The following BPTF variants were observed in gnomAD, a reference collection of about 807,000 sequenced individuals.
BPTF encodes the protein nucleosome-remodeling factor subunit BPTF.
Under a neutral mutation model 292.5 loss-of-function variants are expected in BPTF, and 18 were observed. That is an observed-to-expected ratio of 0.06 (90% CI 0.04 to 0.09). The LOEUF is 0.09. BPTF is among the 10% of genes least tolerant of loss of function. The pLI is 1.00. For synonymous variants in BPTF, 1,225 were observed against 1,251.9 expected (o/e 0.98, Z 0.45); for missense variants, 2,726 against 3,498.7 (o/e 0.78, Z 5.57).
At position 67,922,919 on chromosome 17, in the gene BPTF, C is replaced by T; in HGVS notation, c.5637C>T (p.Gly1879=). 1 of 1,614,056 alleles carries T rather than the reference C, an allele frequency of 6.2e-7. No individual in the cohort carries two copies. Among genetic ancestry groups the T allele is most frequent in the Non-Finnish European group, 8.5e-7 (1 of 1,180,020 alleles). ...PKRPETPKQT[G]PVIIETWVAE... Reference sequence around the variant, plus strand: ...GACCAGAAACGCCCAAGCAAACTGGCCCTGTTATTATTGAAACCTGGGTAG... The same window carrying T: ...GACCAGAAACGCCCAAGCAAACTGGTCCTGTTATTATTGAAACCTGGGTAG... Residue 1879 remains glycine, a synonymous_variant, in exon 14 of 28, where the codon GGC becomes GGT. Transcript: ENST00000306378.
At position 67,966,564 on chromosome 17, in the gene BPTF, C is replaced by T. The variant is rs2148441475; in HGVS notation, c.8455-8C>T. The stretch of plus-strand genomic sequence containing the variant: ...ACTGACAATAATGATGCTGCTTTTT[C>T]ATTATAGGCCCATAAGATGGCCTGG... On this transcript the variant is annotated splice_polypyrimidine_tract_variant and splice_region_variant and intron_variant, in intron 25 of 27. Coordinates refer to ENST00000306378, the MANE Select transcript of BPTF (RefSeq NM_182641.4). 6.2e-7 allele frequency: 1 copy of T among 1,609,590 alleles called. No individual in the cohort carries two copies. The highest frequency in any genetic ancestry group is 1.7e-4 in the Middle Eastern group (1 of 6,046).
At chr17:67,926,899 C>T (rs1378225722) in intron 15 of BPTF, among the ~76,000 whole-genome samples, 3 of 152,008 alleles carry the variant, frequency 2.0e-5, no homozygotes, top group African/African-American at 7.2e-5. Context: ...CCACACCCAC[C>T]TTTGCCTCCC....
At chr17:67,967,580 G>A (rs1007653480) in intron 26 of BPTF, among the ~76,000 whole-genome samples, 19 of 152,002 alleles carry the variant, frequency 1.2e-4, no homozygotes, top group Non-Finnish European at 2.4e-4. Context: ...CAGCACTTCC[G>A]GAGGCCAAGG....
At chr17:67,890,884 A>T (rs143998649) in intron 4 of BPTF, among the ~76,000 whole-genome samples, 289 of 152,248 alleles carry the variant, frequency 1.9e-3, no homozygotes, top group African/African-American at 6.4e-3. Flanking sequence ...TCATTTTTTT[A>T]AAGCTTTAAA....
intron 7 of BPTF, among the ~76,000 whole-genome samples, chr17:67,899,012 C>T (rs939038590): frequency 3.3e-5 from 5 of 151,272 alleles, no homozygotes; most frequent in Admixed American, 2.6e-4. Context: ...AAGATATAGA[C>T]ACAATTATTA....
At chr17:67,879,580 T>C (rs1299474392) in intron 4 of BPTF, among the ~76,000 whole-genome samples, 1 of 152,212 alleles carries the variant, frequency 6.6e-6, no homozygotes, top group African/African-American at 2.4e-5. Context: ...TAAAGGAGTA[T>C]CTAAGGCTGG....
rs1425138670 is a variant in BPTF at position 67,909,583 on chromosome 17, C to G, written c.2814C>G (p.Thr938=). 6.6e-7 allele frequency: 1 copy of G among 1,520,712 alleles called. No homozygotes were observed. The highest frequency in any genetic ancestry group is 2.3e-5 in the East Asian group (1 of 43,042). The allele number at this position is 1,520,712 out of a possible 1,614,324, so 94.2% of individuals were successfully genotyped here. ...NVNYRKSLEG[T]KNNMDENMDE... is the part of the protein sequence containing the mutation. ...TTATCGTTACATGGTTCTTTTTAGC[C>G]AAAAATAATATGGATGAAAATATGG... is the stretch of plus-strand genomic sequence containing the variant. The change falls in exon 10 of 28, where the codon ACC becomes ACG. Residue 938 remains threonine, a splice_region_variant and synonymous_variant. Transcript: ENST00000306378.
At chr17:67,964,813 C>T (rs564551051) in intron 25 of BPTF, among the ~76,000 whole-genome samples, 2 of 149,428 alleles carry the variant, frequency 1.3e-5, no homozygotes, top group East Asian at 2.0e-4. Context: ...TCCTGGCTAA[C>T]ACGGTGAAAC....
At chr17:67,945,319 C>G in intron 20 of BPTF, 90 bp from the exon 21 acceptor site, 1 of 1,529,210 alleles carries the variant, frequency 6.5e-7, no homozygotes, top group South Asian at 1.3e-5. Context: ...GGCCAGAATT[C>G]TCAACTTCAG....
At chr17:67,885,474 C>A (rs1247872082) in intron 4 of BPTF, among the ~76,000 whole-genome samples, 1 of 152,136 alleles carries the variant, frequency 6.6e-6, no homozygotes, top group Non-Finnish European at 1.5e-5. Flanking sequence ...ACTGTAGTCC[C>A]AGCTACTCAG....
intron 26 of BPTF, among the ~76,000 whole-genome samples, 154 bp downstream of exon 26, chr17:67,966,810 G>T (rs1191822285): frequency 2.0e-5 from 3 of 152,220 alleles, no homozygotes; most frequent in South Asian, 4.1e-4. Flanking sequence ...ATCTATTAAA[G>T]TTTAATTGTG....
At chr17:67,968,864 C>T (rs1555689128) in intron 26 of BPTF, among the ~76,000 whole-genome samples, 5 of 151,160 alleles carry the variant, frequency 3.3e-5, no homozygotes, top group Non-Finnish European at 7.4e-5. Flanking sequence ...TGCCTATAAT[C>T]CTAGCTGCTC....
chr17:67,835,046 T>A (rs984388411), intron 1 of BPTF, among the ~76,000 whole-genome samples: 10 of 152,082 alleles, frequency 6.6e-5, no homozygotes, highest in African/African-American at 2.2e-4. Context: ...ACACTGTCTT[T>A]ACAAAAGAAT....
At chr17:67,980,654 G>T (rs1472560124) in intron 27 of BPTF, among the ~76,000 whole-genome samples, 2 of 152,158 alleles carry the variant, frequency 1.3e-5, no homozygotes, top group African/African-American at 2.4e-5. Flanking sequence ...AGAGGAAATT[G>T]CCTGGAGGTC....
At chr17:67,890,506 T>G (rs907832256) in intron 4 of BPTF, among the ~76,000 whole-genome samples, 3 of 152,190 alleles carry the variant, frequency 2.0e-5, no homozygotes, top group Admixed American at 6.5e-5. Context: ...AAAAGGATGC[T>G]GAGAGGATTG....
chr17:67,976,685 C>CAAAAAAAA (rs1156404121), intron 27 of BPTF, among the ~76,000 whole-genome samples: 6 of 24,836 alleles, frequency 2.4e-4, no homozygotes, highest in African/African-American at 3.0e-4. Flanking sequence ...GACCCTGTCT[C>CAAAAAAAA]AAAAAAAAAA....
chr17:67,858,409 CTG>C (rs1319073803), intron 2 of BPTF, among the ~76,000 whole-genome samples: 1 of 152,196 alleles, frequency 6.6e-6, no homozygotes, highest in African/African-American at 2.4e-5. Context: ...GGTGAAATAA[CTG>C]TAACCACATT....
intron 1 of BPTF, among the ~76,000 whole-genome samples, chr17:67,844,070 C>CTTTTT (rs35407119): frequency 1.1e-5 from 1 of 94,354 alleles, no homozygotes; most frequent in African/African-American, 3.7e-5. Flanking sequence ...CGGCCCCCGC[C>CTTTTT]TTTTTTTTTT....
In BPTF at chr17:67,825,834, G is replaced by T. The variant is rs2055941246; in HGVS notation, c.110G>T (p.Gly37Val). 12 of 1,017,710 alleles carry T rather than the reference G, an allele frequency of 1.2e-5. No homozygotes were observed. Among genetic ancestry groups the T allele is most frequent in the Non-Finnish European group, 1.4e-5 (12 of 852,970 alleles). 63.0% of individuals were successfully genotyped at this position (1,017,710 alleles called of 1,614,324 possible). A position where few individuals can be genotyped will look rare whatever the true frequency, so the allele number is the denominator to read the frequency against. The change falls in exon 1 of 28, where the codon GGG (glycine) becomes GTG (valine). Residue 37 changes from glycine (G) to valine (V), a missense_variant. Around this residue, in one of 22 missense-constraint regions of BPTF, gnomAD observed 31 missense variants for 53.6 expected, o/e 0.58. Coordinates refer to ENST00000306378, the MANE Select transcript of BPTF (RefSeq NM_182641.4). ...PPPPPTSGPI[G>V]GLRSRHRGSS... ...CCGCCGCCCACGTCCGGACCCATCGGGGGGCTCCGCTCGCGGCACCGCGGC... is the reference window on the plus strand; with the variant it reads ...CCGCCGCCCACGTCCGGACCCATCGTGGGGCTCCGCTCGCGGCACCGCGGC...
Sources: allele counts gnomAD v4.1 joint callset (sites outside exome capture counted in the v4.1 genomes callset), GRCh38; gene constraint gnomAD v4.1.1; regional missense constraint gnomAD v4.1.1; transcripts MANE v1.5; gene names NCBI Gene and HGNC (gene_info 2026-07-23, HGNC 2026-07-21).